VWA3B: variants seen among roughly 807,000 people sequenced by gnomAD.
The protein encoded by VWA3B is von Willebrand factor A domain-containing protein 3B.
VWA3B carries 138 observed loss-of-function variants against 158.3 expected under a neutral mutation model. The observed-to-expected ratio is 0.87, with a 90% CI of 0.76 to 1.00. VWA3B has a LOEUF of 1.00. Among genes scored for constraint, VWA3B ranks in the 50% least tolerant of loss-of-function variants. VWA3B has a pLI of 0.00. For synonymous variants in VWA3B, 596 were observed against 587.3 expected (o/e 1.01, Z -0.21); for missense variants, 1,555 against 1,565.1 (o/e 0.99, Z 0.11).
chr2:98,128,274 TC>T lies in VWA3B; in HGVS notation c.740del (p.Pro247LeufsTer32). The T allele has an allele frequency of 6.2e-7, 1 of 1,614,184 alleles. No homozygotes were observed. Among genetic ancestry groups the T allele is most frequent in the Non-Finnish European group, 8.5e-7 (1 of 1,180,026 alleles). On this transcript the variant is annotated frameshift_variant, in exon 6 of 28. Coordinates refer to ENST00000477737, the MANE Select transcript of VWA3B (RefSeq NM_144992.5). LOFTEE classifies it high-confidence loss of function. ...SIYYFVVGDV[P>X]EESKELLLQR... ...TTTACTACTTTGTGGTGGGGGATGTTCCTGAAGAATCCAAGGAGCTTCTCCT... is the reference window on the plus strand; with the variant it reads ...TTTACTACTTTGTGGTGGGGGATGTTCTGAAGAATCCAAGGAGCTTCTCCT...
chr2:98,250,783 CAAAG>C (rs1359351710), intron 20 of VWA3B, among the ~76,000 whole-genome samples: 2 of 151,978 alleles, frequency 1.3e-5, no homozygotes, highest in Non-Finnish European at 2.9e-5. Flanking sequence ...ATTTGTAACA[CAAAG>C]AAAGGATAGA....
At chr2:98,317,182 TTTA>T, downstream of VWA3B, among the ~76,000 whole-genome samples, 1 of 152,294 alleles carries the variant, frequency 6.6e-6, no homozygotes, top group Middle Eastern at 3.4e-3. Context: ...CATCCTTTGT[TTTA>T]GATAGGATGA....
chr2:98,248,392 T>C (rs1472401531), intron 19 of VWA3B, among the ~76,000 whole-genome samples: 1 of 152,148 alleles, frequency 6.6e-6, no homozygotes, highest in Non-Finnish European at 1.5e-5. Context: ...CCTTTTCTCT[T>C]TCTCCTTCTA....
intron 7 of VWA3B, among the ~76,000 whole-genome samples, chr2:98,134,335 C>T (rs917239066): frequency 6.6e-6 from 1 of 152,154 alleles, no homozygotes; most frequent in African/African-American, 2.4e-5. Flanking sequence ...GCAGGGCCTG[C>T]GGATGCAGCT....
chr2:98,226,641 G>T (rs961122865), intron 14 of VWA3B, among the ~76,000 whole-genome samples: 1 of 152,164 alleles, frequency 6.6e-6, no homozygotes, highest in African/African-American at 2.4e-5. Flanking sequence ...ATGAGCTGCA[G>T]ACTTAGAGAA....
intron 7 of VWA3B, among the ~76,000 whole-genome samples, chr2:98,141,840 A>G (rs1676799316): frequency 6.6e-6 from 1 of 152,112 alleles, no homozygotes; most frequent in Non-Finnish European, 1.5e-5. Context: ...CCAGTTAGTC[A>G]TGGTCTTAGC....
At chr2:98,196,180 A>G (rs1462661677) in intron 12 of VWA3B, among the ~76,000 whole-genome samples, 1 of 152,172 alleles carries the variant, frequency 6.6e-6, no homozygotes, top group Non-Finnish European at 1.5e-5. Flanking sequence ...GACAGGAGGA[A>G]TAAGTTCTGG....
intron 2 of VWA3B, among the ~76,000 whole-genome samples, chr2:98,109,827 G>T (rs569810968): frequency 2.7e-4 from 40 of 147,792 alleles, no homozygotes; most frequent in African/African-American, 9.2e-4. Flanking sequence ...AAAATATTGT[G>T]CCCATTCTTT....
At chr2:98,106,304 G>A (rs1185756570) in intron 2 of VWA3B, among the ~76,000 whole-genome samples, 3 of 151,918 alleles carry the variant, frequency 2.0e-5, no homozygotes, top group African/African-American at 7.3e-5. Flanking sequence ...CTTGAAATTG[G>A]GCCGGGTGAG....
intron 21 of VWA3B, among the ~76,000 whole-genome samples, chr2:98,266,960 G>A (rs1390464004): frequency 6.7e-6 from 1 of 149,700 alleles, no homozygotes; most frequent in Non-Finnish European, 1.5e-5. Context: ...AGACAATGGG[G>A]TTTTCTAGAT....
intron 12 of VWA3B, among the ~76,000 whole-genome samples, chr2:98,195,399 C>G (rs1322922444): frequency 1.3e-5 from 2 of 152,188 alleles, no homozygotes; most frequent in African/African-American, 4.8e-5. Flanking sequence ...TTGAGATGCA[C>G]CAGGGCTCCC....
chr2:98,221,910 G>A (rs1684537306), intron 14 of VWA3B, among the ~76,000 whole-genome samples: 1 of 152,130 alleles, frequency 6.6e-6, no homozygotes, highest in Admixed American at 6.5e-5. Context: ...ACGAAGCTGA[G>A]CCTCTACAAA....
intron 26 of VWA3B, among the ~76,000 whole-genome samples, chr2:98,305,036 C>T (rs1031591075): frequency 2.6e-5 from 4 of 152,264 alleles, no homozygotes; most frequent in Middle Eastern, 6.8e-3. Flanking sequence ...GGACCTCTCA[C>T]GAGCCTGAAC....
chr2:98,187,185 T>TCTCTGCTCTCTGCTCTTC (rs1681147234), intron 9 of VWA3B, among the ~76,000 whole-genome samples: 1 of 152,116 alleles, frequency 6.6e-6, no homozygotes, highest in Non-Finnish European at 1.5e-5. Context: ...CTCCCCTCTT[T>TCTCTGCTCTCTGCTCTTC]CTCTGCTCTC....
rs1558787158 is a variant in VWA3B, at chr2:98,311,840, C to T, written c.3543C>T (p.Asn1181=). Residue 1181 remains asparagine, a synonymous_variant, in exon 27 of 28, where the codon AAC becomes AAT. Transcript: ENST00000477737. ...CTAGAGAGGATGTGGAGGCGAGGAA[C>T]TCTGCTTTCCTCTTCTGGCCACTGA... ...DPEVEDVEAR[N]SAFLFWPLKE... is the part of the protein sequence containing the mutation. 6.2e-7 allele frequency: 1 copy of T among 1,609,636 alleles called. No homozygotes were observed.
At chr2:98,089,769 G>A (rs10203048) in intron 1 of VWA3B, among the ~76,000 whole-genome samples, 2,823 of 150,420 alleles carry the variant, frequency 0.019, 78 homozygotes, top group African/African-American at 0.065. Flanking sequence ...GGTAAGATCT[G>A]AATCAGACTG....
chr2:98,244,451 A>T (rs1686265471), intron 19 of VWA3B, among the ~76,000 whole-genome samples: 1 of 152,156 alleles, frequency 6.6e-6, no homozygotes, highest in Non-Finnish European at 1.5e-5. Flanking sequence ...GCTGTTTTTC[A>T]CATTATTCAT....
intron 1 of VWA3B, among the ~76,000 whole-genome samples, chr2:98,092,466 A>G (rs568688730): frequency 5.7e-4 from 87 of 152,250 alleles, no homozygotes; most frequent in African/African-American, 2.1e-3. Context: ...AACATGGTGA[A>G]ACCCCATTTC....
At chr2:98,273,952 T>C (rs542902382) in intron 22 of VWA3B, among the ~76,000 whole-genome samples, 1 of 152,372 alleles carries the variant, frequency 6.6e-6, no homozygotes, top group East Asian at 1.9e-4. Flanking sequence ...TCAAGCTCAT[T>C]GTTTACAACA....
Sources: allele counts gnomAD v4.1 joint callset (sites outside exome capture counted in the v4.1 genomes callset), GRCh38; gene constraint gnomAD v4.1.1; transcripts MANE v1.5; gene names NCBI Gene and HGNC (gene_info 2026-07-23, HGNC 2026-07-21).